The following SAMTOR variants were observed in gnomAD, a reference collection of about 807,000 sequenced individuals.
The protein encoded by SAMTOR is UPF0532 protein C7orf60.
the SAMTOR span, among the ~76,000 whole-genome samples, chr7:112,898,184 T>C: frequency 6.6e-6 from 1 of 152,200 alleles, no homozygotes; most frequent in African/African-American, 2.4e-5. Context: ...GCTTTGCTAC[T>C]GGCTGAATAA....
the SAMTOR span, chr7:112,822,086 G>A: frequency 4.3e-6 from 7 of 1,613,646 alleles, no homozygotes; most frequent in Admixed American, 8.3e-5. Context: ...CAATCTTCCA[G>A]CTTTTCATCA....
the SAMTOR span, among the ~76,000 whole-genome samples, chr7:112,870,018 AAAAGAACAC>A: frequency 1.3e-5 from 2 of 152,224 alleles, no homozygotes; most frequent in Admixed American, 6.5e-5. Flanking sequence ...TAAGAAGAAG[AAAAGAACAC>A]AAAGCCTTGG....
chr7:112,863,625 T>C, the SAMTOR span, among the ~76,000 whole-genome samples: 1 of 152,158 alleles, frequency 6.6e-6, no homozygotes, highest in African/African-American at 2.4e-5. Flanking sequence ...GCAAAGGACA[T>C]GAACACTTTT....
the SAMTOR span, among the ~76,000 whole-genome samples, chr7:112,912,191 C>T: frequency 6.6e-6 from 1 of 151,814 alleles, no homozygotes. Flanking sequence ...GAGATGTGTG[C>T]TAATAGATTT....
chr7:112,904,447 G>A, the SAMTOR span, among the ~76,000 whole-genome samples: 1 of 151,766 alleles, frequency 6.6e-6, no homozygotes, highest in Non-Finnish European at 1.5e-5. Flanking sequence ...TGGGTCAGAG[G>A]GCAAATACTA....
At chr7:112,924,427 G>A in the SAMTOR span, among the ~76,000 whole-genome samples, 1 of 152,076 alleles carries the variant, frequency 6.6e-6, no homozygotes, top group East Asian at 1.9e-4. Flanking sequence ...AGTCTAATAA[G>A]TACTGAGTTG....
chr7:112,924,288 C>T, the SAMTOR span, among the ~76,000 whole-genome samples: 1 of 152,046 alleles, frequency 6.6e-6, no homozygotes, highest in African/African-American at 2.4e-5. Flanking sequence ...TTATTGAATT[C>T]TTACATCTAA....
chr7:112,859,597 T>G, the SAMTOR span, among the ~76,000 whole-genome samples: 23 of 152,296 alleles, frequency 1.5e-4, no homozygotes, highest in Non-Finnish European at 2.9e-4. Flanking sequence ...GACCTGCCAG[T>G]GGGACAAAAT....
chr7:112,933,832 TG>T, the SAMTOR span, among the ~76,000 whole-genome samples: 1 of 152,162 alleles, frequency 6.6e-6, no homozygotes, highest in Non-Finnish European at 1.5e-5. Context: ...AAAAGTTCAC[TG>T]GAAGATTCTG....
At chr7:112,895,600 G>A in the SAMTOR span, 4 of 1,575,800 alleles carry the variant, frequency 2.5e-6, no homozygotes, top group African/African-American at 4.0e-5. Flanking sequence ...GTAAAGCTGA[G>A]GTTGGTTAAA....
the SAMTOR span, among the ~76,000 whole-genome samples, chr7:112,854,401 G>T: frequency 1.3e-5 from 2 of 152,016 alleles, no homozygotes; most frequent in Admixed American, 1.3e-4. Context: ...GGTTACTTAT[G>T]GGCTAAACAA....
chr7:112,852,764 T>G, the SAMTOR span, among the ~76,000 whole-genome samples: 1 of 152,110 alleles, frequency 6.6e-6, no homozygotes, highest in Non-Finnish European at 1.5e-5. Context: ...ATCTAATTTG[T>G]CATGTTAATA....
chr7:112,857,153 G>A, the SAMTOR span, among the ~76,000 whole-genome samples: 3 of 143,660 alleles, frequency 2.1e-5, no homozygotes, highest in Non-Finnish European at 3.0e-5. Flanking sequence ...CTGCAGTGGC[G>A]CAATCTCGGC....
the SAMTOR span, among the ~76,000 whole-genome samples, chr7:112,868,181 T>C: frequency 2.6e-5 from 4 of 152,364 alleles, no homozygotes; most frequent in Admixed American, 6.5e-5. Flanking sequence ...TGCAAACTAC[T>C]ATGTCTACTA....
At chr7:112,935,790 T>C in the SAMTOR span, among the ~76,000 whole-genome samples, 1 of 152,176 alleles carries the variant, frequency 6.6e-6, no homozygotes, top group South Asian at 2.1e-4. Flanking sequence ...CTTTTACATT[T>C]TCTTGGAATT....
chr7:112,936,699 C>T, the SAMTOR span, among the ~76,000 whole-genome samples: 1 of 152,200 alleles, frequency 6.6e-6, no homozygotes, highest in Non-Finnish European at 1.5e-5. Context: ...CACTATCTAT[C>T]CTGTCCTTAA....
the SAMTOR span, among the ~76,000 whole-genome samples, chr7:112,868,963 G>A: frequency 6.6e-5 from 10 of 152,210 alleles, no homozygotes; most frequent in East Asian, 1.9e-4. Flanking sequence ...GGTTGGTTGC[G>A]GGACAGTAGC....
chr7:112,939,741 C>G, the SAMTOR span: 1 of 1,600,680 alleles, frequency 6.2e-7, no homozygotes, highest in Non-Finnish European at 8.5e-7. Context: ...CCGCCGGCCC[C>G]TGGCTCCATA....
the SAMTOR span, chr7:112,821,883 C>G: frequency 6.2e-7 from 1 of 1,613,412 alleles, no homozygotes; most frequent in South Asian, 1.1e-5. Context: ...TATATCTGAT[C>G]GAACATAGCA....
Sources: allele counts gnomAD v4.1 joint callset (sites outside exome capture counted in the v4.1 genomes callset), GRCh38; gene constraint gnomAD v4.1.1; transcripts MANE v1.5; gene names NCBI Gene and HGNC (gene_info 2026-07-23, HGNC 2026-07-21).